CDH13: variants seen among roughly 807,000 people sequenced by gnomAD.
CDH13 encodes cadherin-13.
In CDH13, 24 loss-of-function variants were observed where a neutral mutation model predicts 63.8. The observed-to-expected ratio is 0.38, with a 90% CI of 0.27 to 0.53. The LOEUF (loss-of-function observed/expected upper bound fraction) is 0.53. Ranked by LOEUF, CDH13 falls within the 20% of genes least tolerant of loss-of-function variation. The pLI is 0.85. For missense variants in CDH13, 1,049 were observed against 903.1 expected, an observed-to-expected ratio of 1.16 and a Z score of -2.07; for synonymous variants, 503 against 355.3, an observed-to-expected ratio of 1.42 and a Z score of -4.67.
At chr16:82,860,296 A>T (rs1186842998) in intron 2 of CDH13, among the ~76,000 whole-genome samples, 2 of 146,896 alleles carry the variant, frequency 1.4e-5, no homozygotes, top group Admixed American at 7.1e-5. Context: ...TTCGCTGCTG[A>T]GAAGCTGGAA....
chr16:83,596,655 G>A (rs1360432551), intron 7 of CDH13, among the ~76,000 whole-genome samples: 2 of 152,126 alleles, frequency 1.3e-5, no homozygotes, highest in Non-Finnish European at 2.9e-5. Context: ...AGGAAATTAG[G>A]GGGTGACTTT....
At chr16:82,864,466 G>C (rs1238577728) in intron 2 of CDH13, among the ~76,000 whole-genome samples, 1 of 152,090 alleles carries the variant, frequency 6.6e-6, no homozygotes, top group Non-Finnish European at 1.5e-5. Context: ...AAGGTGAAGA[G>C]GAAGCAAGGC....
At chr16:82,854,304 G>C (rs1418867104) in intron 1 of CDH13, among the ~76,000 whole-genome samples, 1 of 150,870 alleles carries the variant, frequency 6.6e-6, no homozygotes, top group Non-Finnish European at 1.5e-5. Context: ...GGGAGGCTGA[G>C]GCAGGAGAAT....
chr16:83,319,365 C>G (rs1419582803), intron 5 of CDH13, among the ~76,000 whole-genome samples: 1 of 152,136 alleles, frequency 6.6e-6, no homozygotes, highest in African/African-American at 2.4e-5. Flanking sequence ...TCCGGTTTTC[C>G]TGTTTGAGAT....
intron 1 of CDH13, among the ~76,000 whole-genome samples, chr16:82,846,399 C>T (rs1171120112): frequency 6.6e-6 from 1 of 152,028 alleles, no homozygotes; most frequent in Non-Finnish European, 1.5e-5. Flanking sequence ...TAATAACTAG[C>T]ACATAACACC....
chr16:83,750,741 G>T (rs1913012073), intron 11 of CDH13, among the ~76,000 whole-genome samples: 1 of 152,146 alleles, frequency 6.6e-6, no homozygotes, highest in Admixed American at 6.5e-5. Flanking sequence ...TGGGGGAGAG[G>T]CTGGGAGGAG....
rs572832271 is a variant in CDH13 at position 83,431,561 on chromosome 16, G to T, written c.782-54916G>T. Among the ~76,000 whole-genome samples, 4 of 152,236 alleles carry T rather than the reference G, an allele frequency of 2.6e-5. No homozygotes were observed. The South Asian group carries it at 8.3e-4, about 32-fold the overall frequency. ...TTTAAAAAGGCTTAATTGGGTCACA[G>T]TTCTGCAGGCTGTACAGGAAACACA... On this transcript the variant is annotated intron_variant, in intron 6 of 13. Coordinates refer to ENST00000567109, the MANE Select transcript of CDH13 (RefSeq NM_001257.5).
At chr16:82,687,851 G>A (rs1185074461) in intron 1 of CDH13, among the ~76,000 whole-genome samples, 4 of 152,086 alleles carry the variant, frequency 2.6e-5, no homozygotes, top group Non-Finnish European at 5.9e-5. Flanking sequence ...TGTCCTCGGG[G>A]GTAGGAGCAG....
chr16:83,217,254 G>C, intron 4 of CDH13, 91 bp from the exon 5 acceptor site: 11 of 1,305,034 alleles, frequency 8.4e-6, no homozygotes, highest in Non-Finnish European at 1.2e-5. Context: ...TGGCACCTGT[G>C]ATTAGTGAAT....
chr16:83,386,433 T>C (rs1332237317), intron 6 of CDH13, among the ~76,000 whole-genome samples: 1 of 152,186 alleles, frequency 6.6e-6, no homozygotes, highest in East Asian at 1.9e-4. Flanking sequence ...TAGTAAAAAC[T>C]GCCTTAAATG....
At chr16:83,572,175 G>GTTTTGTGTGTGTGTGTGTGT (rs145519267) in intron 7 of CDH13, among the ~76,000 whole-genome samples, 11 of 145,694 alleles carry the variant, frequency 7.6e-5, no homozygotes, top group African/African-American at 2.8e-4. Flanking sequence ...ACTTTCCTGT[G>GTTTTGTGTGTGTGTGTGTGT]GTGTGTGTGT....
chr16:83,287,527 G>A (rs1400276573), intron 5 of CDH13, among the ~76,000 whole-genome samples: 1 of 152,176 alleles, frequency 6.6e-6, no homozygotes, highest in African/African-American at 2.4e-5. Context: ...AACTGTGTGT[G>A]CAAGGGATCT....
Position 83,340,755 on chromosome 16 carries a change from T to G in CDH13, c.637-4107T>G, listed in dbSNP as rs142204147. On this transcript the variant is annotated intron_variant, in intron 5 of 13. Coordinates refer to ENST00000567109, the MANE Select transcript of CDH13 (RefSeq NM_001257.5). Reference sequence around the variant, plus strand: ...ACACACAGCACAGACATTGGTCAGATGTGTAATTGCTCGGAGTTCAGGCTA... The same window carrying G: ...ACACACAGCACAGACATTGGTCAGAGGTGTAATTGCTCGGAGTTCAGGCTA... Among the ~76,000 whole-genome samples the G allele has an allele frequency of 1.1e-4, 16 of 152,280 alleles. No homozygotes were observed. The East Asian group carries it at 2.9e-3, about 28-fold the overall frequency.
chr16:83,248,435 C>T (rs79426051), intron 5 of CDH13, among the ~76,000 whole-genome samples: 74 of 152,240 alleles, frequency 4.9e-4, no homozygotes, highest in African/African-American at 1.8e-3. Flanking sequence ...AGCAGGAAGC[C>T]CTGTCACATG....
intron 5 of CDH13, among the ~76,000 whole-genome samples, chr16:83,330,314 G>C (rs1164596967): frequency 2.6e-5 from 4 of 152,116 alleles, no homozygotes; most frequent in African/African-American, 9.7e-5. Flanking sequence ...CTATAGTTTT[G>C]TAAGATGTTT....
At chr16:83,542,944 A>G (rs2075320736) in intron 7 of CDH13, among the ~76,000 whole-genome samples, 1 of 152,174 alleles carries the variant, frequency 6.6e-6, no homozygotes. Context: ...CAATCAACAT[A>G]AGCTTTTTGA....
chr16:83,432,155 C>T (rs2072136502), intron 6 of CDH13, among the ~76,000 whole-genome samples: 1 of 152,086 alleles, frequency 6.6e-6, no homozygotes, highest in Non-Finnish European at 1.5e-5. Flanking sequence ...TTGCCAGTTG[C>T]ACAGCTGGAA....
intron 9 of CDH13, among the ~76,000 whole-genome samples, chr16:83,674,984 C>T (rs1431526884): frequency 6.6e-6 from 1 of 152,248 alleles, no homozygotes; most frequent in South Asian, 2.1e-4. Context: ...TTCCAGCCAA[C>T]AAACCCAGGT....
At chr16:83,749,434 G>A (rs540537410) in intron 11 of CDH13, among the ~76,000 whole-genome samples, 1 of 152,168 alleles carries the variant, frequency 6.6e-6, no homozygotes, top group Non-Finnish European at 1.5e-5. Context: ...CCAAGGCAGA[G>A]GAATCAAAAC....
Sources: gnomAD v4.1 joint callset for allele counts (sites outside exome capture counted in the v4.1 genomes callset) on GRCh38, gnomAD v4.1.1 for gene constraint, MANE v1.5 for transcripts, NCBI Gene and HGNC (gene_info 2026-07-23, HGNC 2026-07-21) for gene names.